The following RUNX2 variants were observed in gnomAD, a reference collection of about 807,000 sequenced individuals.
The protein encoded by RUNX2 is runt-related transcription factor 2.
RUNX2 carries 10 observed loss-of-function variants against 51.7 expected under a neutral mutation model. The observed-to-expected ratio is 0.19, with a 90% CI of 0.12 to 0.33. The LOEUF (loss-of-function observed/expected upper bound fraction) is 0.33. RUNX2 is among the 10% of genes least tolerant of loss of function. The pLI is 1.00. For missense variants in RUNX2, 562 were observed against 691.3 expected (o/e 0.81, Z 2.10); for synonymous variants, 276 against 273.6 (o/e 1.01, Z -0.09).
intron 7 of RUNX2, among the ~76,000 whole-genome samples, chr6:45,534,674 A>G (rs999230025): frequency 2.0e-5 from 3 of 152,202 alleles, no homozygotes; most frequent in African/African-American, 7.2e-5. Context: ...AGGTAAACAC[A>G]GGTAGAGTAA....
At position 45,467,423 on chromosome 6, in the gene RUNX2, A is replaced by G. The variant is rs183650554; in HGVS notation, c.686-24518A>G. Among the ~76,000 whole-genome samples the G allele has an allele frequency of 1.9e-3, 288 of 152,268 alleles. 2 individuals carry two copies. Among genetic ancestry groups the G allele is most frequent in the Non-Finnish European group, 3.2e-3 (219 of 68,016 alleles). On this transcript the variant is annotated intron_variant, in intron 5 of 8. Coordinates refer to ENST00000647337, the MANE Select transcript of RUNX2 (RefSeq NM_001024630.4). The stretch of plus-strand genomic sequence containing the variant: ...CAGCCTCCCAAGTAACTGGGACTAC[A>G]GACGCACACCACCACACCTGGCTAA...
At chr6:45,440,703 T>G (rs6458443) in intron 5 of RUNX2, among the ~76,000 whole-genome samples, 112,817 of 151,724 alleles carry the variant, frequency 0.74, 42,768 homozygotes, top group East Asian at 0.96. Flanking sequence ...GATACCTTGG[T>G]GATGAGACCC....
At chr6:45,440,310 T>G (rs1798805568) in intron 5 of RUNX2, among the ~76,000 whole-genome samples, 1 of 152,244 alleles carries the variant, frequency 6.6e-6, no homozygotes, top group Non-Finnish European at 1.5e-5. Flanking sequence ...CATAGCCCTC[T>G]TCTCAATATG....
intron 5 of RUNX2, among the ~76,000 whole-genome samples, chr6:45,444,168 C>T (rs1446738949): frequency 6.6e-6 from 1 of 152,158 alleles, no homozygotes; most frequent in Non-Finnish European, 1.5e-5. Context: ...AGGTTTTATA[C>T]TTTGTATCAT....
At chr6:45,520,720 A>G (rs955661092) in intron 7 of RUNX2, among the ~76,000 whole-genome samples, 2 of 151,860 alleles carry the variant, frequency 1.3e-5, no homozygotes, top group African/African-American at 2.4e-5. Context: ...TAATGTGTAC[A>G]TATCTTTCTT....
chr6:45,510,482 A>G (rs1801107496), intron 6 of RUNX2, among the ~76,000 whole-genome samples: 1 of 152,254 alleles, frequency 6.6e-6, no homozygotes, highest in African/African-American at 2.4e-5. Context: ...TAAACAAGAA[A>G]TAGCTGAACT....
At chr6:45,432,396 C>G (rs1380169707) in intron 4 of RUNX2, among the ~76,000 whole-genome samples, 1 of 152,096 alleles carries the variant, frequency 6.6e-6, no homozygotes, top group African/African-American at 2.4e-5. Context: ...CTGGTAATAT[C>G]AATTTTGGTC....
chr6:45,536,034 A>G (rs1802022863), intron 7 of RUNX2, among the ~76,000 whole-genome samples: 1 of 152,046 alleles, frequency 6.6e-6, no homozygotes, highest in Non-Finnish European at 1.5e-5. Context: ...GTGAAGTCAC[A>G]GAACAGGTAG....
intron 5 of RUNX2, among the ~76,000 whole-genome samples, chr6:45,457,555 T>A (rs954339955): frequency 1.3e-5 from 2 of 152,178 alleles, no homozygotes; most frequent in Admixed American, 1.3e-4. Context: ...AGTTCATAAG[T>A]ATATCTGGAA....
At chr6:45,350,951 G>A (rs1413161507) in intron 2 of RUNX2, among the ~76,000 whole-genome samples, 1 of 152,170 alleles carries the variant, frequency 6.6e-6, no homozygotes, top group East Asian at 1.9e-4. Flanking sequence ...TGTCAGATCA[G>A]TAGCAGCATT....
At chr6:45,518,340 G>A (rs970724296) in intron 7 of RUNX2, among the ~76,000 whole-genome samples, 4 of 152,244 alleles carry the variant, frequency 2.6e-5, no homozygotes, top group South Asian at 2.1e-4. Context: ...GCCACTGATT[G>A]GATGGATTAC....
chr6:45,444,443 C>T (rs1005712451), intron 5 of RUNX2, among the ~76,000 whole-genome samples: 3 of 152,176 alleles, frequency 2.0e-5, no homozygotes, highest in African/African-American at 7.2e-5. Context: ...TTCTTGCAAG[C>T]TCAGAGTACA....
chr6:45,516,502 T>TA (rs1266918290), intron 7 of RUNX2, among the ~76,000 whole-genome samples: 1 of 152,210 alleles, frequency 6.6e-6, no homozygotes, highest in Non-Finnish European at 1.5e-5. Context: ...CTACCATACT[T>TA]ACATTGATAC....
intron 2 of RUNX2, among the ~76,000 whole-genome samples, chr6:45,367,877 C>A (rs1271981836): frequency 6.6e-6 from 1 of 152,102 alleles, no homozygotes; most frequent in Non-Finnish European, 1.5e-5. Flanking sequence ...TAACATTTTT[C>A]TTGACATGAT....
chr6:45,403,475 C>T (rs935721512), intron 2 of RUNX2, among the ~76,000 whole-genome samples: 2 of 152,028 alleles, frequency 1.3e-5, no homozygotes, highest in East Asian at 1.9e-4. Context: ...TCAGGTGATC[C>T]GCCCGCCTCA....
Position 45,469,910 on chromosome 6 carries a change from G to A in RUNX2, c.686-22031G>A, listed in dbSNP as rs145868267. Among the ~76,000 whole-genome samples, 197 of 152,278 alleles carry A rather than the reference G, an allele frequency of 1.3e-3. 2 individuals carry two copies. The highest frequency in any genetic ancestry group is 4.4e-3 in the African/African-American group (184 of 41,550). On this transcript the variant is annotated intron_variant, in intron 5 of 8. Transcript: ENST00000647337. ...GCATTTGTGCAGTCTTTCCTGCCAT[G>A]GCTTCATTTTCTGTCATCTTAACTC...
chr6:45,452,722 G>A (rs1323510246), intron 5 of RUNX2, among the ~76,000 whole-genome samples: 5 of 152,046 alleles, frequency 3.3e-5, no homozygotes, highest in Admixed American at 2.0e-4. Flanking sequence ...TTTGAACTAA[G>A]TGCATACAAT....
At position 45,473,906 on chromosome 6, in the gene RUNX2, G is replaced by T. The variant is rs74583790; in HGVS notation, c.686-18035G>T. Among the ~76,000 whole-genome samples, 996 of 152,268 alleles carry T rather than the reference G, an allele frequency of 6.5e-3. 8 individuals carry two copies. The highest frequency in any genetic ancestry group is 0.022 in the African/African-American group (900 of 41,548). Reference sequence around the variant, plus strand: ...TGTGAAAGTTAGATGTTTTCTTTCCGTTTTCACAAATGCCACCATGGTCAC... The same window carrying T: ...TGTGAAAGTTAGATGTTTTCTTTCCTTTTTCACAAATGCCACCATGGTCAC... On this transcript the variant is annotated intron_variant, in intron 5 of 8. Coordinates refer to ENST00000647337, the MANE Select transcript of RUNX2 (RefSeq NM_001024630.4).
At chr6:45,535,633 T>A (rs968466130) in intron 7 of RUNX2, among the ~76,000 whole-genome samples, 1 of 150,646 alleles carries the variant, frequency 6.6e-6, no homozygotes, top group Admixed American at 6.6e-5. Context: ...AAAAGAAAGA[T>A]ACAAATGAAG....
Sources: gnomAD v4.1 joint callset for allele counts (sites outside exome capture counted in the v4.1 genomes callset) on GRCh38, gnomAD v4.1.1 for gene constraint, MANE v1.5 for transcripts, NCBI Gene and HGNC (gene_info 2026-07-23, HGNC 2026-07-21) for gene names.